The following MAGI1 variants were observed in gnomAD, a reference collection of about 807,000 sequenced individuals.
The protein encoded by MAGI1 is membrane-associated guanylate kinase, WW and PDZ domain-containing protein 1.
Under a neutral mutation model 139.9 loss-of-function variants are expected in MAGI1, and 58 were observed. That is an observed-to-expected ratio of 0.41 (90% CI 0.34 to 0.52). MAGI1 has a LOEUF of 0.52. MAGI1 is among the 20% of genes least tolerant of loss of function. The pLI, the probability that MAGI1 is intolerant of heterozygous loss-of-function variation, is 0.12. For missense variants in MAGI1, 1,874 were observed against 1,901.6 expected (o/e 0.99, Z 0.27); for synonymous variants, 812 against 737.9 (o/e 1.10, Z -1.63).
intron 2 of MAGI1, among the ~76,000 whole-genome samples, chr3:65,500,568 G>A (rs903512333): frequency 7.9e-5 from 12 of 152,306 alleles, no homozygotes; most frequent in Admixed American, 3.9e-4. Flanking sequence ...ACTTATCTGC[G>A]CTATCTTTTT....
intron 1 of MAGI1, among the ~76,000 whole-genome samples, chr3:65,733,437 A>C (rs990243839): frequency 2.0e-5 from 3 of 152,236 alleles, no homozygotes; most frequent in Non-Finnish European, 4.4e-5. Context: ...GTTTGACCTC[A>C]AAACACTGTA....
At chr3:65,559,843 T>C (rs1020869043) in intron 2 of MAGI1, among the ~76,000 whole-genome samples, 1 of 152,150 alleles carries the variant, frequency 6.6e-6, no homozygotes, top group Non-Finnish European at 1.5e-5. Flanking sequence ...GACACCAGCC[T>C]GGGCAACATA....
intron 1 of MAGI1, among the ~76,000 whole-genome samples, chr3:65,930,314 T>G (rs1317431862): frequency 6.8e-5 from 1 of 14,636 alleles, no homozygotes; most frequent in African/African-American, 2.5e-4. Context: ...AGACTCCGTC[T>G]CAAAAAAAAA....
At chr3:65,779,581 T>C (rs1379843230) in intron 1 of MAGI1, among the ~76,000 whole-genome samples, 1 of 152,256 alleles carries the variant, frequency 6.6e-6, no homozygotes, top group Non-Finnish European at 1.5e-5. Flanking sequence ...CACAATCGCT[T>C]GACAGATTTA....
At chr3:65,366,584 C>T (rs1315561675) in intron 18 of MAGI1, among the ~76,000 whole-genome samples, 1 of 152,198 alleles carries the variant, frequency 6.6e-6, no homozygotes, top group Non-Finnish European at 1.5e-5. Context: ...TGGAGTCAGA[C>T]TGTCTTATCT....
At chr3:65,704,501 C>T (rs546095329) in intron 1 of MAGI1, among the ~76,000 whole-genome samples, 1 of 152,302 alleles carries the variant, frequency 6.6e-6, no homozygotes, top group South Asian at 2.1e-4. Flanking sequence ...CTCCTGCCCT[C>T]GATCTTCTCT....
intron 13 of MAGI1, among the ~76,000 whole-genome samples, chr3:65,393,265 C>A (rs541209940): frequency 1.4e-4 from 21 of 152,098 alleles, no homozygotes; most frequent in Non-Finnish European, 2.5e-4. Context: ...TTTTTCCCCC[C>A]CTCTTCAATG....
Position 65,507,105 on chromosome 3 carries a change from C to T in MAGI1, c.431-13474G>A, listed in dbSNP as rs779096922. On this transcript the variant is annotated intron_variant, in intron 2 of 22. Coordinates refer to ENST00000402939, the MANE Select transcript of MAGI1 (RefSeq NM_001033057.2). ...TGAAAAAATAAAGAAGAATTGGGTA[C>T]AATACTAAGCCTACACCAAAGAAAG... 2.0e-5 allele frequency among the ~76,000 whole-genome samples: 3 copies of T among 152,198 alleles called. No individual in the cohort carries two copies. In the East Asian group the frequency reaches 5.8e-4, roughly 29 times the overall value.
intron 6 of MAGI1, 91 bp from the exon 7 acceptor site, chr3:65,448,148 C>G: frequency 9.1e-7 from 1 of 1,096,992 alleles, no homozygotes; most frequent in Admixed American, 1.7e-5. Context: ...CTCAGGAAAA[C>G]AGCAGCAAAC....
rs146920800 is a variant in MAGI1 at position 65,794,870 on chromosome 3, T to C, written c.314-172782A>G. Among the ~76,000 whole-genome samples, 1,371 of 142,568 alleles carry C rather than the reference T, an allele frequency of 9.6e-3. 20 individuals are homozygous for C. Among genetic ancestry groups the C allele is most frequent in the African/African-American group, 0.034 (1,304 of 38,690 alleles). The allele number at this position is 142,568 out of a possible 152,430, so 93.5% of individuals were successfully genotyped here. A position where few individuals can be genotyped will look rare whatever the true frequency, so the allele number is the denominator to read the frequency against. ...AAAAAAAAAAAAAAAACCCACAAAC[T>C]ATCCGGGTATAAGATGGGCAAAATA... On this transcript the variant is annotated intron_variant, in intron 1 of 22. Transcript: ENST00000402939.
chr3:65,740,808 G>A (rs569525730), intron 1 of MAGI1, among the ~76,000 whole-genome samples: 9 of 152,276 alleles, frequency 5.9e-5, no homozygotes, highest in African/African-American at 1.9e-4. Flanking sequence ...ATAGTGCTAA[G>A]TAAATAAAAA....
intron 1 of MAGI1, among the ~76,000 whole-genome samples, chr3:65,702,914 GGTGAGAAACC>G (rs2089714679): frequency 6.6e-6 from 1 of 151,916 alleles, no homozygotes; most frequent in Non-Finnish European, 1.5e-5. Context: ...AGCATATGGT[GGTGAGAAACC>G]GTCTTCCTTA....
At chr3:65,369,262 A>C (rs1941745821) in intron 18 of MAGI1, among the ~76,000 whole-genome samples, 1 of 152,184 alleles carries the variant, frequency 6.6e-6, no homozygotes, top group South Asian at 2.1e-4. Context: ...AGGAAAGAGG[A>C]ATCACGTTTT....
chr3:65,742,284 TA>T (rs1028184494), intron 1 of MAGI1, among the ~76,000 whole-genome samples: 2 of 152,164 alleles, frequency 1.3e-5, no homozygotes, highest in African/African-American at 4.8e-5. Flanking sequence ...TCATTAATTT[TA>T]AGAAAAAAAT....
intron 2 of MAGI1, among the ~76,000 whole-genome samples, chr3:65,565,234 C>T (rs537301412): frequency 2.0e-5 from 3 of 152,278 alleles, no homozygotes; most frequent in African/African-American, 7.2e-5. Context: ...GTATCTGATG[C>T]TGTAGCTTAT....
At chr3:65,797,916 G>T (rs1382064911) in intron 1 of MAGI1, among the ~76,000 whole-genome samples, 3 of 152,138 alleles carry the variant, frequency 2.0e-5, no homozygotes, top group African/African-American at 7.2e-5. Context: ...GGACTGTGCT[G>T]TACTGTTTAT....
At chr3:65,370,770 C>G (rs545611332) in intron 18 of MAGI1, among the ~76,000 whole-genome samples, 2 of 152,184 alleles carry the variant, frequency 1.3e-5, no homozygotes, top group African/African-American at 2.4e-5. Flanking sequence ...GCGTATCCTG[C>G]CCGTTGCCCC....
intron 12 of MAGI1, chr3:65,402,074 G>A (rs1450737524): frequency 2.8e-5 from 6 of 217,346 alleles, no homozygotes; most frequent in Non-Finnish European, 4.7e-5. Flanking sequence ...ACAAATCCAA[G>A]TTGCTCTAGG....
chr3:65,426,052 G>C (rs917591323), intron 12 of MAGI1, among the ~76,000 whole-genome samples: 4 of 152,200 alleles, frequency 2.6e-5, no homozygotes, highest in Non-Finnish European at 4.4e-5. Context: ...CTGGACAGCA[G>C]AGGGAGAAGG....
Sources: allele counts gnomAD v4.1 joint callset (sites outside exome capture counted in the v4.1 genomes callset), GRCh38; gene constraint gnomAD v4.1.1; transcripts MANE v1.5; gene names NCBI Gene and HGNC (gene_info 2026-07-23, HGNC 2026-07-21).